DEPDC4: variants seen among roughly 807,000 people sequenced by gnomAD.
The protein encoded by DEPDC4 is DEP domain-containing protein 4.
A neutral mutation model predicts 52.0 loss-of-function variants in DEPDC4; 52 were observed. The ratio of observed to expected loss-of-function variants is 1.00; its 90% CI spans 0.80 to 1.26. DEPDC4 has a LOEUF of 1.26. DEPDC4 is among the 50% of genes most tolerant of loss of function. The pLI is 0.00. For synonymous variants in DEPDC4, 201 were observed against 196.8 expected, an observed-to-expected ratio of 1.02 and a Z score of -0.18; for missense variants, 530 against 546.9, an observed-to-expected ratio of 0.97 and a Z score of 0.31.
At chr12:100,266,781 G>A in intron 1 of DEPDC4, 139 bp downstream of exon 1, 3 of 1,190,306 alleles carry the variant, frequency 2.5e-6, no homozygotes, top group Non-Finnish European at 3.5e-6. Context: ...CCAGTCCAGT[G>A]CCTGGTAGGG....
At chr12:100,234,798 G>GT (rs879664096) in intron 9 of DEPDC4, among the ~76,000 whole-genome samples, 6 of 152,266 alleles carry the variant, frequency 3.9e-5, no homozygotes, top group Non-Finnish European at 5.9e-5. Flanking sequence ...TGCTTTACAC[G>GT]TAAGTCCCTC....
chr12:100,245,240 A>C (rs776940389), intron 8 of DEPDC4, among the ~76,000 whole-genome samples: 1 of 151,928 alleles, frequency 6.6e-6, no homozygotes, highest in African/African-American at 2.4e-5. Flanking sequence ...TAGTCACCCC[A>C]CCTGGAAACC....
chr12:100,267,434 A>C, upstream of DEPDC4: 1 of 183,010 alleles, frequency 5.5e-6, no homozygotes, highest in Non-Finnish European at 1.1e-5. Flanking sequence ...GACCTCCCTC[A>C]CCGGCGGCTC....
At chr12:100,280,445 T>C in the DEPDC4 span, among the ~76,000 whole-genome samples, 2 of 152,190 alleles carry the variant, frequency 1.3e-5, no homozygotes, top group African/African-American at 4.8e-5. Context: ...AACTGCTACC[T>C]TAAAACTGTC....
chr12:100,267,107 G>A (rs2096277898), upstream of DEPDC4: 2 of 1,607,722 alleles, frequency 1.2e-6, no homozygotes, highest in African/African-American at 2.7e-5. Context: ...CCGGGGCGGA[G>A]AGAAGTACTG....
chr12:100,253,202 G>A (rs2096216000), intron 5 of DEPDC4, among the ~76,000 whole-genome samples: 1 of 152,216 alleles, frequency 6.6e-6, no homozygotes, highest in Admixed American at 6.5e-5. Context: ...ACAGGTGTGA[G>A]CCATCGCTCC....
intron 9 of DEPDC4, among the ~76,000 whole-genome samples, chr12:100,233,934 G>T (rs1006258991): frequency 1.3e-5 from 2 of 151,664 alleles, no homozygotes; most frequent in Non-Finnish European, 2.9e-5. Flanking sequence ...GCTACATGGC[G>T]AAACCCTGTC....
downstream of DEPDC4, among the ~76,000 whole-genome samples, chr12:100,235,609 C>T (rs1486544059): frequency 1.3e-5 from 2 of 151,222 alleles, no homozygotes; most frequent in African/African-American, 4.9e-5. Flanking sequence ...GAGTCTTGCT[C>T]TGTCACCCAG....
rs142792654 is a variant in DEPDC4 at position 100,243,716 on chromosome 12, C to T, written c.1454-1147G>A. Among the ~76,000 whole-genome samples, 411 of 152,064 alleles carry T rather than the reference C, an allele frequency of 2.7e-3. 1 individual carries two copies. The highest frequency in any genetic ancestry group is 4.7e-3 in the Non-Finnish European group (317 of 67,962). ...AGTATGCTAAAATCTCTCCCTTGAC[C>T]TTGCACTGCTCTGGTTATTGCCCAG... On this transcript the variant is annotated intron_variant, in intron 8 of 9. Coordinates refer to ENST00000550587, the MANE Select transcript of DEPDC4 (RefSeq NM_001364818.2).
At chr12:100,234,330 G>C (rs1203230598) in intron 9 of DEPDC4, among the ~76,000 whole-genome samples, 1 of 152,190 alleles carries the variant, frequency 6.6e-6, no homozygotes, top group Non-Finnish European at 1.5e-5. Context: ...AAGCAGGTCA[G>C]GGGTCAATGA....
At chr12:100,277,451 T>A in the DEPDC4 span, among the ~76,000 whole-genome samples, 2 of 152,256 alleles carry the variant, frequency 1.3e-5, no homozygotes, top group Admixed American at 6.5e-5. Context: ...ATTGGGTGTG[T>A]ACAGATTTAG....
upstream of DEPDC4, among the ~76,000 whole-genome samples, chr12:100,271,583 T>G (rs564959738): frequency 8.5e-5 from 13 of 152,328 alleles, no homozygotes; most frequent in Admixed American, 2.6e-4. Context: ...TGTTTTATAT[T>G]GTTGTTCTTT....
chr12:100,265,351 T>G (rs557819046), intron 1 of DEPDC4, among the ~76,000 whole-genome samples: 17 of 152,196 alleles, frequency 1.1e-4, no homozygotes, highest in African/African-American at 4.1e-4. Flanking sequence ...ATCCCAGCAC[T>G]TTGGGAGGCT....
chr12:100,256,932 C>A (rs1276598938), intron 3 of DEPDC4, among the ~76,000 whole-genome samples: 2 of 149,902 alleles, frequency 1.3e-5, no homozygotes, highest in African/African-American at 4.9e-5. Context: ...TGAGTCACTG[C>A]GCCAGGCCAG....
At chr12:100,237,745 C>G (rs1045274281), downstream of DEPDC4, 1 of 151,904 alleles carries the variant, frequency 6.6e-6, no homozygotes, top group Non-Finnish European at 1.5e-5. Flanking sequence ...TTTTTTATTT[C>G]TTTGTTTCAA....
rs144944320 is a variant in DEPDC4, at chr12:100,263,151, G to A, written c.554+346C>T. Among the ~76,000 whole-genome samples, 742 of 152,242 alleles carry A rather than the reference G, an allele frequency of 4.9e-3. 3 individuals are homozygous for A. Among genetic ancestry groups the A allele is most frequent in the Non-Finnish European group, 9.1e-3 (617 of 68,014 alleles). ...TAATTTTTGTATTTTTAGTAGAAAC[G>A]AGGTTTTGCTATAATGGCCAGGCTG... is the stretch of plus-strand genomic sequence containing the variant. On this transcript the variant is annotated intron_variant, in intron 2 of 9. Coordinates refer to ENST00000550587, the MANE Select transcript of DEPDC4 (RefSeq NM_001364818.2).
At chr12:100,243,769 T>A (rs1010834612) in intron 8 of DEPDC4, among the ~76,000 whole-genome samples, 3 of 151,892 alleles carry the variant, frequency 2.0e-5, no homozygotes, top group African/African-American at 4.8e-5. Context: ...TCATCATACA[T>A]CCAGTCTTCA....
chr12:100,272,095 G>C, the DEPDC4 span, among the ~76,000 whole-genome samples: 1 of 152,062 alleles, frequency 6.6e-6, no homozygotes, highest in African/African-American at 2.4e-5. Context: ...ATGGTAGAGA[G>C]ATACACAGTC....
In DEPDC4 at chr12:100,250,089, A is replaced by C. The variant is rs2096201487; in HGVS notation, c.1375-1111T>G. 2.0e-5 allele frequency among the ~76,000 whole-genome samples: 3 copies of C among 152,274 alleles called. No homozygotes were observed. In the South Asian group the frequency reaches 6.2e-4, roughly 32 times the overall value. The stretch of plus-strand genomic sequence containing the variant: ...CACCTCAGCCTCCCTGAAATGTATC[A>C]GCCTCTAATCTCTAGAAACCAACTA... On this transcript the variant is annotated intron_variant, in intron 7 of 9. Coordinates refer to ENST00000550587, the MANE Select transcript of DEPDC4 (RefSeq NM_001364818.2).
Sources: gnomAD v4.1 joint callset for allele counts (sites outside exome capture counted in the v4.1 genomes callset) on GRCh38, gnomAD v4.1.1 for gene constraint, MANE v1.5 for transcripts, NCBI Gene and HGNC (gene_info 2026-07-23, HGNC 2026-07-21) for gene names.